Variants in BMPR1A observed in about 807,000 individuals in gnomAD.
BMPR1A encodes the protein bone morphogenetic protein receptor type 1A, also known as bone morphogenetic protein receptor type-1A.
Under a neutral mutation model 66.0 loss-of-function variants are expected in BMPR1A, and 7 were observed. The observed-to-expected ratio is 0.11, with a 90% CI of 0.06 to 0.20. BMPR1A has a LOEUF of 0.20. Among genes scored for constraint, BMPR1A ranks in the 10% least tolerant of loss-of-function variants. BMPR1A has a pLI of 1.00. For synonymous variants in BMPR1A, 200 were observed against 229.7 expected, an observed-to-expected ratio of 0.87 and a Z score of 1.17; for missense variants, 408 against 669.1, an observed-to-expected ratio of 0.61 and a Z score of 4.31.
Position 86,880,631 on chromosome 10 carries a change from A to G in BMPR1A, c.67+4546A>G, listed in dbSNP as rs143544694. 1.1e-3 allele frequency among the ~76,000 whole-genome samples: 169 copies of G among 152,292 alleles called. 4 individuals carry two copies. The East Asian group carries it at 0.029, about 26-fold the overall frequency. ...GTTGCAAAGCTGCTTTCTTAGCCAT[A>G]TATTTTTACACTGACCAACCCAGTA... On this transcript the variant is annotated intron_variant, in intron 3 of 12. Coordinates refer to ENST00000372037, the MANE Select transcript of BMPR1A (RefSeq NM_004329.3).
intron 8 of BMPR1A, among the ~76,000 whole-genome samples, chr10:86,915,732 A>G (rs1168702061): frequency 1.3e-5 from 2 of 152,190 alleles, no homozygotes; most frequent in East Asian, 3.9e-4. Flanking sequence ...GTCTCAAAAA[A>G]ACAGAACAAA....
chr10:86,866,690 A>AT (rs1273441245), intron 2 of BMPR1A, among the ~76,000 whole-genome samples: 2,289 of 136,770 alleles, frequency 0.017, 43 homozygotes, highest in African/African-American at 0.05. Context: ...TTTGCGCTTC[A>AT]TTTTTTTTTT....
chr10:86,865,207 C>T (rs187643099), intron 2 of BMPR1A, among the ~76,000 whole-genome samples: 10 of 152,152 alleles, frequency 6.6e-5, no homozygotes, highest in East Asian at 1.9e-4. Flanking sequence ...TGTAAATGGC[C>T]GGTCCATGCC....
At chr10:86,826,309 T>C (rs918550808) in intron 1 of BMPR1A, among the ~76,000 whole-genome samples, 2 of 152,102 alleles carry the variant, frequency 1.3e-5, no homozygotes, top group African/African-American at 2.4e-5. Context: ...AACAGTTCTT[T>C]ATAGATGTTT....
At chr10:86,904,696 A>C (rs929156846) in intron 7 of BMPR1A, among the ~76,000 whole-genome samples, 3 of 152,194 alleles carry the variant, frequency 2.0e-5, no homozygotes, top group African/African-American at 7.2e-5. Context: ...CCCTGGCACA[A>C]ACTAACAATA....
rs1419961978 is a variant in BMPR1A at position 86,836,394 on chromosome 10, C to CT, written c.-267-2470dup. On this transcript the variant is annotated intron_variant, in intron 1 of 12. Transcript: ENST00000372037. ...CCTTTCCTGTGTCTTTTGTTTACCT[C>CT]TGAGTAATGAAGTCAAATCTTACTT... Among the ~76,000 whole-genome samples, 4 of 152,182 alleles carry CT rather than the reference C, an allele frequency of 2.6e-5. No homozygotes were observed. The East Asian group carries it at 7.7e-4, about 29-fold the overall frequency.
intron 7 of BMPR1A, among the ~76,000 whole-genome samples, chr10:86,910,294 C>T (rs1403652456): frequency 2.0e-5 from 3 of 151,982 alleles, no homozygotes; most frequent in East Asian, 1.9e-4. Flanking sequence ...GCTGAGATTG[C>T]GCCATTGCAC....
chr10:86,915,287 TC>T (rs1361239760), intron 8 of BMPR1A, among the ~76,000 whole-genome samples: 1 of 151,998 alleles, frequency 6.6e-6, no homozygotes, highest in African/African-American at 2.4e-5. Flanking sequence ...CGCCTCGGCC[TC>T]CCAAAGTGTT....
intron 1 of BMPR1A, among the ~76,000 whole-genome samples, chr10:86,815,216 T>A (rs774540414): frequency 6.6e-6 from 1 of 152,224 alleles, no homozygotes; most frequent in South Asian, 2.1e-4. Context: ...ATTTCTAATT[T>A]CACAGAGTTA....
At chr10:86,846,584 CT>C (rs1842487561) in intron 2 of BMPR1A, among the ~76,000 whole-genome samples, 1 of 152,096 alleles carries the variant, frequency 6.6e-6, no homozygotes, top group Non-Finnish European at 1.5e-5. Flanking sequence ...GCCTGTAATC[CT>C]AGCTACTCGG....
At chr10:86,793,349 C>T (rs1182666633) in intron 1 of BMPR1A, among the ~76,000 whole-genome samples, 7 of 149,786 alleles carry the variant, frequency 4.7e-5, no homozygotes, top group African/African-American at 1.5e-4. Context: ...TCTGATGACA[C>T]GCTTGCTCAC....
intron 5 of BMPR1A, among the ~76,000 whole-genome samples, chr10:86,897,798 G>T (rs1843247039): frequency 6.6e-6 from 1 of 152,020 alleles, no homozygotes; most frequent in African/African-American, 2.4e-5. Flanking sequence ...TAGAGATGGG[G>T]TCTCACTATT....
intron 3 of BMPR1A, among the ~76,000 whole-genome samples, chr10:86,876,836 G>A (rs75154029): frequency 0.041 from 6,301 of 152,220 alleles, 298 homozygotes; most frequent in African/African-American, 0.11. Flanking sequence ...ACTGACACTT[G>A]TCTGTGCTGA....
rs780074370 is a variant in BMPR1A, at chr10:86,762,802, C to T, written c.-268+5883C>T. Among the ~76,000 whole-genome samples, 7 of 152,144 alleles carry T rather than the reference C, an allele frequency of 4.6e-5. No individual in the cohort carries two copies. The South Asian group carries it at 6.2e-4, about 14-fold the overall frequency. ...AAGGGAAGCTGGGCTGTTCAGGATG[C>T]GGGTACTTTGGAAGGCTTTCCTGAG... is the stretch of plus-strand genomic sequence containing the variant. On this transcript the variant is annotated intron_variant, in intron 1 of 12. Transcript: ENST00000372037.
chr10:86,869,456 CAAAA>C (rs56797101), intron 2 of BMPR1A, among the ~76,000 whole-genome samples: 3 of 108,716 alleles, frequency 2.8e-5, no homozygotes, highest in Non-Finnish European at 4.0e-5. Flanking sequence ...GACTCTGTCT[CAAAA>C]AAAAAAAAAA....
chr10:86,776,361 G>C (rs535542023), intron 1 of BMPR1A, among the ~76,000 whole-genome samples: 2 of 152,288 alleles, frequency 1.3e-5, no homozygotes, highest in African/African-American at 4.8e-5. Context: ...TAATACTACT[G>C]TGTATCCTGC....
chr10:86,818,322 A>G (rs886555296), intron 1 of BMPR1A, among the ~76,000 whole-genome samples: 1 of 152,142 alleles, frequency 6.6e-6, no homozygotes. Context: ...CCGCCAGCTA[A>G]TAATTTTAGG....
intron 1 of BMPR1A, among the ~76,000 whole-genome samples, chr10:86,792,216 C>T (rs543606215): frequency 8.6e-5 from 13 of 150,912 alleles, no homozygotes; most frequent in East Asian, 2.0e-4. Context: ...TACGGGCACA[C>T]GCCACCATGC....
intron 8 of BMPR1A, among the ~76,000 whole-genome samples, chr10:86,914,081 TTAGA>T (rs1843528077): frequency 6.6e-6 from 1 of 151,832 alleles, no homozygotes; most frequent in East Asian, 1.9e-4. Context: ...ATTATGGAGT[TTAGA>T]AAGGAACATG....
Sources: allele counts gnomAD v4.1 joint callset (sites outside exome capture counted in the v4.1 genomes callset), GRCh38; gene constraint gnomAD v4.1.1; transcripts MANE v1.5; gene names NCBI Gene and HGNC (gene_info 2026-07-23, HGNC 2026-07-21).